Variants in GRIK2 observed in about 807,000 individuals in gnomAD.
GRIK2 encodes the protein glutamate ionotropic receptor kainate type subunit 2.
In GRIK2, 32 loss-of-function variants were observed where a neutral mutation model predicts 100.3. The observed-to-expected ratio is 0.32, with a 90% CI of 0.24 to 0.43. The LOEUF is 0.43. Ranked by LOEUF, GRIK2 falls within the 20% of genes least tolerant of loss-of-function variation. GRIK2 has a pLI of 1.00. For missense variants in GRIK2, 843 were observed against 1,114.9 expected (o/e 0.76, Z 3.47); for synonymous variants, 417 against 389.4 (o/e 1.07, Z -0.83).
chr6:101,881,136 CTTTATTG>C (rs1209041618), intron 11 of GRIK2, among the ~76,000 whole-genome samples: 3 of 151,858 alleles, frequency 2.0e-5, no homozygotes, highest in Admixed American at 6.6e-5. Flanking sequence ...TGTGGACTTA[CTTTATTG>C]TTTATAGTTG....
At chr6:101,471,340 T>C (rs1771936497) in intron 2 of GRIK2, among the ~76,000 whole-genome samples, 1 of 152,066 alleles carries the variant, frequency 6.6e-6, no homozygotes, top group Non-Finnish European at 1.5e-5. Context: ...AATAATTTAG[T>C]GTGTTTGATC....
chr6:101,608,003 G>A (rs1412951173), intron 2 of GRIK2, among the ~76,000 whole-genome samples: 3 of 150,062 alleles, frequency 2.0e-5, no homozygotes, highest in Non-Finnish European at 3.0e-5. Flanking sequence ...TTGGCTGCAA[G>A]CAGAGGACAT....
intron 11 of GRIK2, among the ~76,000 whole-genome samples, chr6:101,874,766 A>G (rs1053454193): frequency 1.6e-4 from 24 of 151,694 alleles, no homozygotes; most frequent in Non-Finnish European, 8.8e-5. Context: ...CTCCTCTTTT[A>G]TTTCGTTGGG....
chr6:101,469,939 G>A (rs1771856920), intron 2 of GRIK2, among the ~76,000 whole-genome samples: 3 of 152,124 alleles, frequency 2.0e-5, no homozygotes, highest in Non-Finnish European at 2.9e-5. Flanking sequence ...CTCCACTTAT[G>A]TCATAGCTTT....
chr6:101,674,347 C>T (rs1024121087), intron 4 of GRIK2, among the ~76,000 whole-genome samples: 9 of 152,132 alleles, frequency 5.9e-5, no homozygotes, highest in African/African-American at 2.2e-4. Context: ...ACTGCCACAC[C>T]TTTCAAAGTG....
chr6:101,793,394 G>A (rs1214035363), intron 7 of GRIK2, among the ~76,000 whole-genome samples: 4 of 152,090 alleles, frequency 2.6e-5, no homozygotes, highest in African/African-American at 9.7e-5. Context: ...TGGTGTGGAT[G>A]TCCTTTCTGT....
At chr6:101,576,251 A>C (rs1777781974) in intron 2 of GRIK2, among the ~76,000 whole-genome samples, 2 of 152,024 alleles carry the variant, frequency 1.3e-5, no homozygotes, top group Admixed American at 1.3e-4. Context: ...CAGTGGGTAC[A>C]AGGAAGTCAC....
chr6:101,505,320 GT>G (rs1346657551), intron 2 of GRIK2, among the ~76,000 whole-genome samples: 3 of 152,088 alleles, frequency 2.0e-5, no homozygotes, highest in Admixed American at 1.3e-4. Flanking sequence ...ACTTATGTCA[GT>G]TGCAAATGAC....
intron 7 of GRIK2, among the ~76,000 whole-genome samples, chr6:101,795,697 G>A (rs1427852505): frequency 2.0e-5 from 3 of 152,196 alleles, no homozygotes; most frequent in African/African-American, 7.2e-5. Context: ...CCAGCCCTCA[G>A]GAGAAGTGCA....
At chr6:101,522,815 G>T (rs888166364) in intron 2 of GRIK2, among the ~76,000 whole-genome samples, 2 of 151,508 alleles carry the variant, frequency 1.3e-5, no homozygotes, top group African/African-American at 2.4e-5. Context: ...AAGCTCCATG[G>T]CTCCATGACT....
At chr6:101,642,368 T>G (rs1191001327) in intron 4 of GRIK2, among the ~76,000 whole-genome samples, 1 of 151,730 alleles carries the variant, frequency 6.6e-6, no homozygotes, top group Non-Finnish European at 1.5e-5. Flanking sequence ...AAAACTAAAC[T>G]TTTGTATGCA....
At chr6:101,630,123 C>A (rs1340636999) in intron 4 of GRIK2, among the ~76,000 whole-genome samples, 2 of 152,068 alleles carry the variant, frequency 1.3e-5, no homozygotes, top group Non-Finnish European at 2.9e-5. Flanking sequence ...AATTGATGGG[C>A]ATCTTGGTTG....
At chr6:101,690,482 A>G (rs984411094) in intron 7 of GRIK2, among the ~76,000 whole-genome samples, 2 of 152,092 alleles carry the variant, frequency 1.3e-5, no homozygotes, top group African/African-American at 2.4e-5. Context: ...ACTTTATCTT[A>G]GTTATGATCA....
At chr6:101,570,108 T>C (rs1777461603) in intron 2 of GRIK2, among the ~76,000 whole-genome samples, 1 of 152,088 alleles carries the variant, frequency 6.6e-6, no homozygotes. Context: ...ATTAGTGCAG[T>C]GGGTGAGAGA....
chr6:101,850,520 G>A (rs1403631902), intron 10 of GRIK2, among the ~76,000 whole-genome samples: 2 of 152,062 alleles, frequency 1.3e-5, no homozygotes, highest in Non-Finnish European at 1.5e-5. Context: ...CCCTAGATAA[G>A]AGCTGAGAGA....
At chr6:101,897,489 G>A (rs1452616994) in intron 12 of GRIK2, among the ~76,000 whole-genome samples, 1 of 151,708 alleles carries the variant, frequency 6.6e-6, no homozygotes, top group Non-Finnish European at 1.5e-5. Flanking sequence ...CATAGCCACT[G>A]GAAAAATGGT....
At chr6:101,886,941 T>G (rs1404619766) in intron 11 of GRIK2, among the ~76,000 whole-genome samples, 1 of 150,026 alleles carries the variant, frequency 6.7e-6, no homozygotes, top group Non-Finnish European at 1.5e-5. Flanking sequence ...TTCCCCTGCT[T>G]CAGCCTCCCG....
chr6:101,651,526 G>A (rs73508695), intron 4 of GRIK2, among the ~76,000 whole-genome samples: 2,809 of 152,152 alleles, frequency 0.018, 94 homozygotes, highest in African/African-American at 0.065. Context: ...GTTAGAAGGC[G>A]ATAAGTGCAA....
intron 15 of GRIK2, among the ~76,000 whole-genome samples, chr6:102,050,688 G>C (rs1771130825): frequency 7.0e-6 from 1 of 141,910 alleles, no homozygotes. Flanking sequence ...AATAAAAAGA[G>C]AGTACAGGAA....
Sources: gnomAD v4.1 joint callset for allele counts (sites outside exome capture counted in the v4.1 genomes callset) on GRCh38, gnomAD v4.1.1 for gene constraint, MANE v1.5 for transcripts, NCBI Gene and HGNC (gene_info 2026-07-23, HGNC 2026-07-21) for gene names.